RARB: variants seen among roughly 807,000 people sequenced by gnomAD.
The protein encoded by RARB is HBV-activated protein.
RARB carries 17 observed loss-of-function variants against 51.9 expected under a neutral mutation model. The observed-to-expected ratio is 0.33, with a 90% CI of 0.22 to 0.49. The LOEUF (loss-of-function observed/expected upper bound fraction) is 0.49. RARB is among the 20% of genes least tolerant of loss of function. The probability of loss-of-function intolerance (pLI) is 0.99; values close to 1 mark genes in which losing one functional copy is unlikely to be tolerated. For synonymous variants in RARB, 215 were observed against 195.4 expected (o/e 1.10, Z -0.84); for missense variants, 369 against 550.8 (o/e 0.67, Z 3.30).
chr3:25,344,737 T>C (rs1705335526), intron 5 of RARB, among the ~76,000 whole-genome samples: 1 of 152,218 alleles, frequency 6.6e-6, no homozygotes, highest in Non-Finnish European at 1.5e-5. Context: ...AAAATCAGTT[T>C]TTATTTGGTG....
chr3:24,942,402 G>C (rs1292230727), intron 2 of RARB, among the ~76,000 whole-genome samples: 1 of 152,196 alleles, frequency 6.6e-6, no homozygotes, highest in East Asian at 1.9e-4. Flanking sequence ...GTAAGGAAAT[G>C]AGGCCCTCAT....
chr3:25,076,341 A>T (rs139319532), intron 3 of RARB, among the ~76,000 whole-genome samples: 1,711 of 152,114 alleles, frequency 0.011, 40 homozygotes, highest in African/African-American at 0.038. Flanking sequence ...GGGTTTCACC[A>T]TGTTATCCAG....
At chr3:25,064,934 C>G (rs1698630584) in intron 3 of RARB, among the ~76,000 whole-genome samples, 1 of 152,118 alleles carries the variant, frequency 6.6e-6, no homozygotes, top group African/African-American at 2.4e-5. Context: ...TGCAAATGCC[C>G]TACACTAACC....
intron 5 of RARB, among the ~76,000 whole-genome samples, chr3:25,233,440 G>T (rs116431212): frequency 1.3e-5 from 2 of 152,032 alleles, no homozygotes; most frequent in African/African-American, 4.8e-5. Context: ...GTGTGTGTGG[G>T]TTTATAAATT....
intron 5 of RARB, among the ~76,000 whole-genome samples, chr3:25,308,300 T>A (rs776348285): frequency 6.6e-6 from 1 of 152,228 alleles, no homozygotes; most frequent in Non-Finnish European, 1.5e-5. Context: ...TGGTAGCAAG[T>A]ACAAATCTAT....
chr3:25,325,562 G>A (rs1037917681), intron 5 of RARB, among the ~76,000 whole-genome samples: 2 of 143,424 alleles, frequency 1.4e-5, no homozygotes, highest in South Asian at 2.3e-4. Flanking sequence ...ACTTCATTTT[G>A]TGGGGGTTTT....
chr3:24,962,135 T>A (rs1467036222), intron 2 of RARB, among the ~76,000 whole-genome samples: 3 of 151,956 alleles, frequency 2.0e-5, no homozygotes, highest in Non-Finnish European at 2.9e-5. Flanking sequence ...TTCACCGTGT[T>A]AGCCAGGATA....
chr3:25,569,578 C>T (rs1483734731), intron 3 of RARB, among the ~76,000 whole-genome samples, 180 bp from the exon 4 acceptor site: 1 of 152,206 alleles, frequency 6.6e-6, no homozygotes, highest in Non-Finnish European at 1.5e-5. Flanking sequence ...AGCTCTCTGC[C>T]GGGGTCCCGC....
At chr3:25,017,563 TTTGA>T (rs148616385) in intron 2 of RARB, among the ~76,000 whole-genome samples, 28 of 152,262 alleles carry the variant, frequency 1.8e-4, no homozygotes, top group Admixed American at 3.9e-4. Context: ...ACTTCAGCTG[TTTGA>T]TTGATCAAAT....
intron 3 of RARB, among the ~76,000 whole-genome samples, chr3:25,503,580 C>T (rs1575466992): frequency 6.6e-6 from 1 of 151,956 alleles, no homozygotes; most frequent in East Asian, 1.9e-4. Context: ...GAGCTTATCA[C>T]CTTAATTAGA....
At chr3:25,456,160 G>T (rs1694894422) in intron 1 of RARB, among the ~76,000 whole-genome samples, 1 of 152,218 alleles carries the variant, frequency 6.6e-6, no homozygotes, top group African/African-American at 2.4e-5. Context: ...AATGTTTGAG[G>T]CCTCTCAAGG....
chr3:25,315,865 C>T lies in RARB; in HGVS notation c.178+141290C>T, dbSNP rs372829728. Reference sequence around the variant, plus strand: ...AACTCCTGACCTCAAGGGTTCTGCCCGCCTCAGCCTCCCAAAGTTCTGGGA... The same window carrying T: ...AACTCCTGACCTCAAGGGTTCTGCCTGCCTCAGCCTCCCAAAGTTCTGGGA... On this transcript the variant is annotated intron_variant, in intron 5 of 11. Transcript: ENST00000383772. 1.4e-4 allele frequency among the ~76,000 whole-genome samples: 21 copies of T among 152,044 alleles called. No homozygotes were observed. The East Asian group carries it at 1.9e-3, about 14-fold the overall frequency.
intron 2 of RARB, among the ~76,000 whole-genome samples, chr3:24,920,741 T>G (rs995569660): frequency 1.3e-5 from 2 of 152,212 alleles, no homozygotes; most frequent in Non-Finnish European, 2.9e-5. Context: ...TCCACAAGTC[T>G]TTAAACTCCT....
At chr3:25,261,928 G>C (rs1015738985) in intron 5 of RARB, among the ~76,000 whole-genome samples, 10 of 151,960 alleles carry the variant, frequency 6.6e-5, no homozygotes, top group Non-Finnish European at 2.9e-5. Flanking sequence ...CCTCTTACAT[G>C]GACTTCTTTC....
intron 5 of RARB, among the ~76,000 whole-genome samples, chr3:25,400,681 T>C (rs943834421): frequency 2.0e-5 from 3 of 152,174 alleles, no homozygotes; most frequent in Non-Finnish European, 4.4e-5. Context: ...TTGAAAACCC[T>C]AATAGAAATA....
chr3:25,092,837 A>G (rs986436966), intron 3 of RARB, among the ~76,000 whole-genome samples: 1 of 152,080 alleles, frequency 6.6e-6, no homozygotes, highest in Non-Finnish European at 1.5e-5. Context: ...TGCACTGGTC[A>G]TTTTTCCTTG....
At chr3:25,080,543 G>A (rs1698972891) in intron 3 of RARB, among the ~76,000 whole-genome samples, 1 of 152,156 alleles carries the variant, frequency 6.6e-6, no homozygotes, top group Non-Finnish European at 1.5e-5. Flanking sequence ...AGAAAAATGT[G>A]ATGGTTCCAG....
At chr3:25,125,269 T>A (rs1333151767) in intron 3 of RARB, among the ~76,000 whole-genome samples, 6 of 152,158 alleles carry the variant, frequency 3.9e-5, no homozygotes, top group Admixed American at 3.9e-4. Context: ...GAGAAAAGAT[T>A]TTGACAGTTT....
intron 3 of RARB, among the ~76,000 whole-genome samples, chr3:25,506,747 A>G (rs973867742): frequency 2.6e-5 from 4 of 152,286 alleles, no homozygotes; most frequent in African/African-American, 9.6e-5. Context: ...AAAGCAGATG[A>G]AGGGCTAGGT....
Sources: gnomAD v4.1 joint callset for allele counts (sites outside exome capture counted in the v4.1 genomes callset) on GRCh38, gnomAD v4.1.1 for gene constraint, MANE v1.5 for transcripts, NCBI Gene and HGNC (gene_info 2026-07-23, HGNC 2026-07-21) for gene names.